KCNH1: variants seen among roughly 807,000 people sequenced by gnomAD.
The protein encoded by KCNH1 is voltage-gated delayed rectifier potassium channel KCNH1.
Under a neutral mutation model 69.2 loss-of-function variants are expected in KCNH1, and 27 were observed. The observed-to-expected ratio is 0.39, with a 90% confidence interval of 0.29 to 0.54. The LOEUF (loss-of-function observed/expected upper bound fraction) is 0.54. Among genes scored for constraint, KCNH1 ranks in the 20% least tolerant of loss-of-function variants. The pLI is 0.68. For missense variants in KCNH1, 798 were observed against 1,261.6 expected (o/e 0.63, Z 5.57); for synonymous variants, 456 against 487.7 (o/e 0.93, Z 0.86).
intron 7 of KCNH1, among the ~76,000 whole-genome samples, chr1:210,882,238 G>C (rs1574315098): frequency 6.6e-6 from 1 of 152,030 alleles, no homozygotes. Flanking sequence ...ATTTAAAGAG[G>C]TGCCCAAAGT....
intron 5 of KCNH1, among the ~76,000 whole-genome samples, chr1:211,058,798 T>C (rs964086368): frequency 1.3e-5 from 2 of 151,902 alleles, no homozygotes; most frequent in African/African-American, 2.4e-5. Context: ...AGTAACTAAG[T>C]GGATTAAAAA....
intron 9 of KCNH1, among the ~76,000 whole-genome samples, chr1:210,780,856 G>T (rs1050058481): frequency 6.6e-6 from 1 of 152,084 alleles, no homozygotes; most frequent in African/African-American, 2.4e-5. Context: ...GACCATCCTG[G>T]CTAACACGGT....
At chr1:210,805,579 T>C (rs1181410115) in intron 7 of KCNH1, among the ~76,000 whole-genome samples, 1 of 152,202 alleles carries the variant, frequency 6.6e-6, no homozygotes, top group African/African-American at 2.4e-5. Context: ...ATGTACTCTT[T>C]TTAACATCTT....
At chr1:211,089,611 A>C (rs1281116413) in intron 4 of KCNH1, among the ~76,000 whole-genome samples, 1 of 152,176 alleles carries the variant, frequency 6.6e-6, no homozygotes, top group Non-Finnish European at 1.5e-5. Context: ...TTAACAACAA[A>C]AATTTTGTCA....
intron 10 of KCNH1, among the ~76,000 whole-genome samples, chr1:210,741,433 C>T (rs2149037178): frequency 6.6e-6 from 1 of 152,204 alleles, no homozygotes; most frequent in East Asian, 1.9e-4. Flanking sequence ...AGTCCTTCTG[C>T]TTATATGGGT....
chr1:210,703,169 C>T (rs867935744), intron 10 of KCNH1, among the ~76,000 whole-genome samples: 1 of 152,126 alleles, frequency 6.6e-6, no homozygotes, highest in African/African-American at 2.4e-5. Flanking sequence ...CATGGCACAA[C>T]ATGTGCAAGT....
chr1:210,747,992 T>C (rs1246244193), intron 10 of KCNH1, among the ~76,000 whole-genome samples: 1 of 152,228 alleles, frequency 6.6e-6, no homozygotes, highest in Non-Finnish European at 1.5e-5. Flanking sequence ...AGTCAGTACA[T>C]GCCAATGCAC....
intron 1 of KCNH1, among the ~76,000 whole-genome samples, chr1:211,111,824 T>A (rs1469304969): frequency 1.2e-5 from 1 of 83,176 alleles, no homozygotes; most frequent in Non-Finnish European, 2.3e-5. Context: ...GGAAGTGAGG[T>A]GCCCCTCTGC....
intron 7 of KCNH1, among the ~76,000 whole-genome samples, chr1:210,846,812 A>G (rs1474338623): frequency 6.6e-6 from 1 of 152,084 alleles, no homozygotes; most frequent in African/African-American, 2.4e-5. Flanking sequence ...AATGGAAGAA[A>G]ATTTTTGCAA....
chr1:210,970,039 G>A (rs982869937), intron 6 of KCNH1, among the ~76,000 whole-genome samples: 1 of 151,902 alleles, frequency 6.6e-6, no homozygotes, highest in African/African-American at 2.4e-5. Flanking sequence ...TGGGACTATA[G>A]GCACATGCCA....
At chr1:210,913,880 C>A (rs1373349952) in intron 7 of KCNH1, among the ~76,000 whole-genome samples, 1 of 152,168 alleles carries the variant, frequency 6.6e-6, no homozygotes, top group Non-Finnish European at 1.5e-5. Context: ...CAAGTTCCAG[C>A]CAATGTGATG....
intron 6 of KCNH1, among the ~76,000 whole-genome samples, chr1:210,969,250 G>A (rs1325271963): frequency 1.3e-5 from 2 of 151,906 alleles, no homozygotes; most frequent in African/African-American, 4.8e-5. Context: ...ATGCTTATGT[G>A]TTTTGGTTTT....
intron 7 of KCNH1, among the ~76,000 whole-genome samples, chr1:210,809,360 A>G (rs895748617): frequency 8.5e-5 from 13 of 152,156 alleles, no homozygotes; most frequent in Non-Finnish European, 1.8e-4. Context: ...TGCAGCTTGC[A>G]GGGGGCTGTT....
chr1:210,684,635 T>C (rs1490863756), intron 10 of KCNH1, among the ~76,000 whole-genome samples: 1 of 152,114 alleles, frequency 6.6e-6, no homozygotes, highest in East Asian at 1.9e-4. Context: ...GGCAAGAAAG[T>C]CCCCAGGCAA....
chr1:211,036,344 G>A (rs1282055811), intron 5 of KCNH1, among the ~76,000 whole-genome samples: 1 of 152,156 alleles, frequency 6.6e-6, no homozygotes, highest in African/African-American at 2.4e-5. Context: ...GGTTTCCTGA[G>A]AAAAGGACTC....
At chr1:210,767,758 G>A (rs1683666173) in intron 10 of KCNH1, among the ~76,000 whole-genome samples, 1 of 152,024 alleles carries the variant, frequency 6.6e-6, no homozygotes, top group African/African-American at 2.4e-5. Flanking sequence ...ATATTATTAA[G>A]GATGCTACTC....
Position 210,853,792 on chromosome 1 carries a change from G to A in KCNH1, c.1463-49626C>T, listed in dbSNP as rs371162287. Among the ~76,000 whole-genome samples the A allele has an allele frequency of 2.3e-4, 35 of 151,922 alleles. 1 individual carries two copies. Among genetic ancestry groups the A allele is most frequent in the Admixed American group, 1.8e-3 (27 of 15,250 alleles). On this transcript the variant is annotated intron_variant, in intron 7 of 10. Transcript: ENST00000271751. Reference sequence around the variant, plus strand: ...TCAATACCTTTGTCTAAATTCTGCCGACAGACCCAAACCATCCGGTTCAAG... The same window carrying A: ...TCAATACCTTTGTCTAAATTCTGCCAACAGACCCAAACCATCCGGTTCAAG...
At chr1:210,886,924 A>G (rs1004525006) in intron 7 of KCNH1, among the ~76,000 whole-genome samples, 3 of 152,138 alleles carry the variant, frequency 2.0e-5, no homozygotes, top group Admixed American at 6.6e-5. Context: ...TGTTTGATTG[A>G]TGTACCTGAA....
chr1:210,897,856 G>C (rs1287787630), intron 7 of KCNH1, among the ~76,000 whole-genome samples: 1 of 152,198 alleles, frequency 6.6e-6, no homozygotes, highest in Non-Finnish European at 1.5e-5. Flanking sequence ...AGCAGGAAGA[G>C]AGCGAGCTGA....
Sources: allele counts gnomAD v4.1 joint callset (sites outside exome capture counted in the v4.1 genomes callset), GRCh38; gene constraint gnomAD v4.1.1; transcripts MANE v1.5; gene names NCBI Gene and HGNC (gene_info 2026-07-23, HGNC 2026-07-21).